Variants in CELSR1 observed in about 807,000 individuals in gnomAD.
The protein encoded by CELSR1 is cadherin EGF LAG seven-pass G-type receptor 1.
Under a neutral mutation model 249.1 loss-of-function variants are expected in CELSR1, and 110 were observed. The ratio of observed to expected loss-of-function variants is 0.44; its 90% confidence interval spans 0.38 to 0.52. CELSR1 has a LOEUF of 0.52. CELSR1 is among the 20% of genes least tolerant of loss of function. CELSR1 has a pLI of 0.00. For synonymous variants in CELSR1, 2,113 were observed against 1,900.0 expected, an observed-to-expected ratio of 1.11 and a Z score of -2.92; for missense variants, 4,109 against 4,296.4, an observed-to-expected ratio of 0.96 and a Z score of 1.22.
At chr22:46,499,185 T>TAAAAA (rs10606942) in intron 1 of CELSR1, among the ~76,000 whole-genome samples, 1 of 130,962 alleles carries the variant, frequency 7.6e-6, no homozygotes. Context: ...GTTGCAAATC[T>TAAAAA]AAAAAAAAAA....
intron 2 of CELSR1, among the ~76,000 whole-genome samples, chr22:46,457,998 C>A (rs947564112): frequency 3.3e-5 from 5 of 152,190 alleles, no homozygotes; most frequent in African/African-American, 4.8e-5. Flanking sequence ...GCTGCAGACC[C>A]GCGGGCATGT....
At chr22:46,379,693 G>A (rs938413022) in intron 22 of CELSR1, among the ~76,000 whole-genome samples, 5 of 152,164 alleles carry the variant, frequency 3.3e-5, no homozygotes, top group African/African-American at 1.2e-4. Flanking sequence ...TCACCATAGC[G>A]CCACCCCCAG....
At chr22:46,426,784 A>G (rs936995095) in intron 5 of CELSR1, among the ~76,000 whole-genome samples, 6 of 152,192 alleles carry the variant, frequency 3.9e-5, no homozygotes, top group Non-Finnish European at 8.8e-5. Context: ...GAGTGGGTCC[A>G]CTGTCTTGCA....
chr22:46,509,825 T>C (rs1399894676), intron 1 of CELSR1, among the ~76,000 whole-genome samples: 2 of 152,154 alleles, frequency 1.3e-5, no homozygotes, highest in African/African-American at 2.4e-5. Context: ...GCAGTACCCA[T>C]GCACAATGCA....
At chr22:46,444,485 C>T (rs1220395512) in intron 2 of CELSR1, among the ~76,000 whole-genome samples, 1 of 152,342 alleles carries the variant, frequency 6.6e-6, no homozygotes, top group African/African-American at 2.4e-5. Context: ...CACAGCAAAC[C>T]CAGCCGCAGG....
chr22:46,380,162 T>C lies in CELSR1; in HGVS notation c.7256+626A>G, dbSNP rs1905768834. Among the ~76,000 whole-genome samples, 1 of 152,196 alleles carries C rather than the reference T, an allele frequency of 6.6e-6. No individual in the cohort carries two copies. The highest frequency in any genetic ancestry group is 6.5e-5 in the Admixed American group (1 of 15,280). On this transcript the variant is annotated intron_variant, in intron 22 of 34. Transcript: ENST00000674500. This position sits in a 1 kb window ranked among gnomAD's most constrained non-coding sequence, Gnocchi z 5.1. ...GGTGAGAATCACTCATTTTGCATTT[T>C]TCTAACGACGAAACGCCTTTCCCTC...
chr22:46,510,112 C>T (rs139256374), intron 1 of CELSR1, among the ~76,000 whole-genome samples: 128 of 152,370 alleles, frequency 8.4e-4, no homozygotes, highest in African/African-American at 2.8e-3. Context: ...CCTCTGCATC[C>T]AGCAGACGAG....
chr22:46,415,784 C>T (rs1195766487), intron 5 of CELSR1, among the ~76,000 whole-genome samples: 11 of 152,252 alleles, frequency 7.2e-5, no homozygotes, highest in African/African-American at 2.4e-4. Flanking sequence ...AGTGATAAAA[C>T]GCAGTCAGAG....
At chr22:46,394,286 C>CTGGAAGGTTTATGTAACTGTGCTTT (rs1569131360) in intron 13 of CELSR1, 24 bp from the exon 14 acceptor site, 1 of 1,606,576 alleles carries the variant, frequency 6.2e-7, no homozygotes. Context: ...AAGAGGGCAG[C>CTGGAAGGTTTATGTAACTGTGCTTT]TGGAAGGTTT....
chr22:46,369,024 A>C, intron 27 of CELSR1, 155 bp downstream of exon 27: 1 of 645,700 alleles, frequency 1.5e-6, no homozygotes, highest in Non-Finnish European at 2.7e-6. Context: ...GCAACGTGGC[A>C]AACCTCTCTG....
At chr22:46,457,730 A>C (rs1205004101) in intron 2 of CELSR1, among the ~76,000 whole-genome samples, 1 of 152,230 alleles carries the variant, frequency 6.6e-6, no homozygotes, top group African/African-American at 2.4e-5. Context: ...GGGCGGACCC[A>C]CATGGGAGCT....
At position 46,365,393 on chromosome 22, in the gene CELSR1, G is replaced by A. The variant is rs771040539; in HGVS notation, c.8405-13C>T. On this transcript the variant is annotated splice_polypyrimidine_tract_variant and intron_variant, in intron 31 of 34. Transcript: ENST00000674500. ...TCGGAATCGTGGCCTGTGGATGCGC[G>A]GGGGACAGGGAGGCTCAGGCCCTGG... 4.0e-5 allele frequency: 64 copies of A among 1,611,660 alleles called. No homozygotes were observed. Among genetic ancestry groups the A allele is most frequent in the African/African-American group, 1.3e-4 (10 of 74,936 alleles).
In CELSR1 at chr22:46,390,598, T is replaced by G. The variant is rs547144712; in HGVS notation, c.6251-112A>C. On this transcript the variant is annotated intron_variant, in intron 16 of 34. Transcript: ENST00000674500. This position sits in a 1 kb window ranked among gnomAD's most constrained non-coding sequence, Gnocchi z 6.3. ...TAAACCCAGAACACTGCGTGGTGGT[T>G]AGAACCCCATGGGGGCCAGGAGGTC... The G allele has an allele frequency of 9.4e-6, 8 of 848,742 alleles. No individual in the cohort carries two copies. The highest frequency in any genetic ancestry group is 1.5e-5 in the Non-Finnish European group (8 of 543,812). 52.6% of individuals were successfully genotyped at this position (848,742 alleles called of 1,614,324 possible).
intron 5 of CELSR1, among the ~76,000 whole-genome samples, chr22:46,424,658 A>G (rs1021725614): frequency 6.6e-6 from 1 of 152,098 alleles, no homozygotes; most frequent in East Asian, 1.9e-4. Flanking sequence ...TCTGTTTTCC[A>G]TTGTTATTCT....
At chr22:46,487,563 G>C (rs1402400116) in intron 1 of CELSR1, among the ~76,000 whole-genome samples, 1 of 44,304 alleles carries the variant, frequency 2.3e-5, no homozygotes, top group Non-Finnish European at 4.4e-5. Flanking sequence ...CAGTGCAGGT[G>C]GGGGGTGAGG....
Position 46,536,871 on chromosome 22 carries a change from C to T in CELSR1, c.300G>A (p.Ala100=). 4 of 1,232,850 alleles carry T rather than the reference C, an allele frequency of 3.2e-6. No individual in the cohort carries two copies. Among genetic ancestry groups the T allele is most frequent in the Non-Finnish European group, 4.1e-6 (4 of 982,524 alleles). 76.4% of individuals were successfully genotyped at this position (1,232,850 alleles called of 1,614,324 possible). The change falls in exon 1 of 35, where the codon GCG becomes GCA. Residue 100 remains alanine (A), a synonymous_variant. Transcript: ENST00000674500. ...TGCGCGCCCGCAGGCGGCGGCTCAGCGCCGTCGGGGCACTGCGGGCCACCA... is the reference window on the plus strand; with the variant it reads ...TGCGCGCCCGCAGGCGGCGGCTCAGTGCCGTCGGGGCACTGCGGGCCACCA... ...VRLVARSAPT[A]LSRRLRARTH... is the part of the protein sequence containing the mutation.
chr22:46,407,895 C>T lies in CELSR1; in HGVS notation c.5226+1101G>A, dbSNP rs1235359028. The stretch of plus-strand genomic sequence containing the variant: ...GGTTTACAGGAGAGCGCCCGTGCCC[C>T]GCCATCACTACAGACGAGAATGACC... On this transcript the variant is annotated intron_variant, in intron 9 of 34. Coordinates refer to ENST00000674500, the MANE Select transcript of CELSR1 (RefSeq NM_001378328.1). The surrounding 1 kb of genome is among the most constrained non-coding windows in gnomAD (Gnocchi z 4.8). Among the ~76,000 whole-genome samples the T allele has an allele frequency of 2.6e-5, 4 of 152,184 alleles. No individual in the cohort carries two copies. Among genetic ancestry groups the T allele is most frequent in the African/African-American group, 9.7e-5 (4 of 41,444 alleles).
chr22:46,534,643 G>A lies in CELSR1; in HGVS notation c.2528C>T (p.Thr843Ile), dbSNP rs768226039. The part of the protein sequence containing the change: ...PQFRIDPDSG[T>I]MYTMMELDYE... ...GTCCAGCTCCATCATGGTGTACATG[G>A]TGCCACTGTCGGGGTCAATGCGGAA... The change falls in exon 1 of 35, where the codon ACC (threonine) becomes ATC (isoleucine). Residue 843 changes from threonine (T) to isoleucine (I), a missense_variant. Thr to Ile is a moderately conservative substitution (Grantham distance 89, BLOSUM62 -1). Around this residue, in one of 7 missense-constraint regions of CELSR1, gnomAD observed 886 missense variants for 896.5 expected, o/e 0.99. Transcript: ENST00000674500. The surrounding 1 kb of genome is among the most constrained non-coding windows in gnomAD (Gnocchi z 9.7). 6.2e-7 allele frequency: 1 copy of A among 1,613,912 alleles called. No individual in the cohort carries two copies.
rs569216940 is a variant in CELSR1, at chr22:46,479,618, G to A, written c.3545-15273C>T. On this transcript the variant is annotated intron_variant, in intron 1 of 34. Transcript: ENST00000674500. ...TTTTGTGGTTATTTGGACTTTTTGG[G>A]GGGGGGCCGGGGGTGGGTAGAAAAT... is the stretch of plus-strand genomic sequence containing the variant. 4.8e-3 allele frequency among the ~76,000 whole-genome samples: 667 copies of A among 138,380 alleles called. 7 individuals are homozygous for A. The highest frequency in any genetic ancestry group is 0.016 in the African/African-American group (630 of 38,716). 90.8% of individuals were successfully genotyped at this position (138,380 alleles called of 152,430 possible).
Sources: gnomAD v4.1 joint callset for allele counts (sites outside exome capture counted in the v4.1 genomes callset) on GRCh38, gnomAD v4.1.1 for gene constraint, gnomAD v4.1.1 regional missense constraint, Gnocchi (gnomAD v3.1) non-coding constraint, MANE v1.5 for transcripts, NCBI Gene and HGNC (gene_info 2026-07-23, HGNC 2026-07-21) for gene names.